The following BAHCC1 variants were observed in gnomAD, a reference collection of about 807,000 sequenced individuals.
BAHCC1 encodes BAH and coiled-coil domain-containing protein 1.
BAHCC1 carries 43 observed loss-of-function variants against 88.2 expected under a neutral mutation model. The ratio of observed to expected loss-of-function variants is 0.49; its 90% CI spans 0.38 to 0.63. The LOEUF is 0.63. Ranked by LOEUF, BAHCC1 falls within the 20% of genes least tolerant of loss-of-function variation. The pLI, the probability that BAHCC1 is intolerant of heterozygous loss-of-function variation, is 0.00. For missense variants in BAHCC1, 3,023 were observed against 1,654.8 expected (o/e 1.83, Z -14.34); for synonymous variants, 1,510 against 745.5 (o/e 2.03, Z -16.71).
At position 81,399,758 on chromosome 17, in the gene BAHCC1, G is replaced by C. The variant is rs1159283520; in HGVS notation, c.19G>C (p.Ala7Pro). Residue 7 changes from alanine to proline, a missense_variant, in exon 2 of 28, where the codon GCG becomes CCG. Ala to Pro is a conservative substitution (Grantham distance 27). Coordinates refer to ENST00000675386, the MANE Select transcript of BAHCC1 (RefSeq NM_001377448.1). This position sits in a 1 kb window ranked among gnomAD's most constrained non-coding sequence, Gnocchi z 4.5. ...GCCCGGCATGGATGGCCGCGACTTT[G>C]CGCCGCCGCCGCATCTGCTGTCGGA... MDGRDF[A>P]PPPHLLSERG... 19 of 1,189,154 alleles carry C rather than the reference G, an allele frequency of 1.6e-5. No homozygotes were observed. Among genetic ancestry groups the C allele is most frequent in the Non-Finnish European group, 2.0e-5 (19 of 961,174 alleles). The allele number at this position is 1,189,154 out of a possible 1,614,324, so 73.7% of individuals were successfully genotyped here. A position where few individuals can be genotyped will look rare whatever the true frequency, so the allele number is the denominator to read the frequency against.
At position 81,463,878 on chromosome 17, in the gene BAHCC1, G is replaced by A. The variant is rs536524596; in HGVS notation, c.*61G>A. 178 of 691,668 alleles carry A rather than the reference G, an allele frequency of 2.6e-4. 1 individual carries two copies. Among genetic ancestry groups the A allele is most frequent in the Admixed American group, 2.5e-3 (123 of 49,690 alleles). The allele number at this position is 691,668 out of a possible 1,614,324, so 42.8% of individuals were successfully genotyped here. ...GACCCTGTGTGCGGAGCCTGGCGTC[G>A]GCCAAGCCACCGGGCAGGAGGCAGC... On this transcript the variant is annotated 3_prime_UTR_variant, in exon 28 of 28. Transcript: ENST00000675386.
At position 81,438,433 on chromosome 17, in the gene BAHCC1, A is replaced by T; in HGVS notation, c.422A>T (p.Asp141Val). 1.3e-6 allele frequency: 1 copy of T among 778,140 alleles called. No homozygotes were observed. The allele number at this position is 778,140 out of a possible 1,614,324, so 48.2% of individuals were successfully genotyped here. Residue 141 changes from aspartate to valine, a missense_variant, in exon 4 of 28, where the codon GAT (aspartate) becomes GTT (valine). Asp to Val is a radical substitution (Grantham distance 152). Coordinates refer to ENST00000675386, the MANE Select transcript of BAHCC1 (RefSeq NM_001377448.1). ...ASTFLPVSHL[D>V]HHGNSNVLYG... ...ACCTTCCTACCCGTGAGCCACTTGG[A>T]TCACCATGGAAACAGCAACGTTCTC...
At chr17:81,462,472 G>T in intron 26 of BAHCC1, 1 of 535,328 alleles carries the variant, frequency 1.9e-6, no homozygotes, top group Non-Finnish European at 3.3e-6. Flanking sequence ...TGTGGTGAAC[G>T]TCTTGTCCAC....
chr17:81,397,477 C>G (rs1174696823), intron 1 of BAHCC1, among the ~76,000 whole-genome samples: 2 of 152,070 alleles, frequency 1.3e-5, no homozygotes, highest in South Asian at 4.1e-4. Flanking sequence ...CTGGCACCCC[C>G]GCGTGCGCAG....
At chr17:81,456,701 G>A (rs2064756289) in intron 16 of BAHCC1, 116 bp downstream of exon 16, 4 of 605,628 alleles carry the variant, frequency 6.6e-6, no homozygotes, top group East Asian at 5.6e-5. Context: ...GGCTTGTGGG[G>A]TGTGACAGGT....
In BAHCC1 at chr17:81,443,813, C is replaced by T. The variant is rs369673614; in HGVS notation, c.2220C>T (p.Gly740=). The T allele has an allele frequency of 2.5e-5, 18 of 710,850 alleles. No homozygotes were observed. The highest frequency in any genetic ancestry group is 8.0e-5 in the East Asian group (3 of 37,298). 44.0% of individuals were successfully genotyped at this position (710,850 alleles called of 1,614,324 possible). A position where few individuals can be genotyped will look rare whatever the true frequency, so the allele number is the denominator to read the frequency against. ...QGRAAPAFKG[G]GGPRSTHALD... ...TGCTGTCTCGACCCTGTGCAGGTGG[C>T]GGTGGGCCCCGTTCCACACACGCGC... The change falls in exon 6 of 28, where the codon GGC becomes GGT. Residue 740 remains glycine (G), a synonymous_variant. Transcript: ENST00000675386.
rs540346533 is a variant in BAHCC1 at position 81,461,815 on chromosome 17, C to T, written c.7152C>T (p.His2384=). The T allele has an allele frequency of 6.3e-4, 451 of 717,198 alleles. 6 individuals carry two copies. The highest frequency in any genetic ancestry group is 6.2e-3 in the South Asian group (422 of 67,612). 44.4% of individuals were successfully genotyped at this position (717,198 alleles called of 1,614,324 possible). Reference sequence around the variant, plus strand: ...TGCGCTCCAAGGGCAGCGGCCCTCACGCGCATGCCCAGCGCTGCTTCCTGT... The same window carrying T: ...TGCGCTCCAAGGGCAGCGGCCCTCATGCGCATGCCCAGCGCTGCTTCCTGT... ...EALRSKGSGP[H]AHAQRCFLSR... Residue 2384 remains histidine, a synonymous_variant, in exon 26 of 28, where the codon CAC becomes CAT. Transcript: ENST00000675386.
Position 81,442,158 on chromosome 17 carries a change from G to A in BAHCC1, c.809G>A (p.Arg270Gln), listed in dbSNP as rs782530704. The A allele has an allele frequency of 1.5e-5, 10 of 655,012 alleles. No homozygotes were observed. The highest frequency in any genetic ancestry group is 3.4e-5 in the South Asian group (2 of 58,152). 40.6% of individuals were successfully genotyped at this position (655,012 alleles called of 1,614,324 possible). A position where few individuals can be genotyped will look rare whatever the true frequency, so the allele number is the denominator to read the frequency against. The change falls in exon 5 of 28, where the codon CGA becomes CAA. Residue 270 changes from arginine to glutamine, a missense_variant. Arg to Gln is a conservative substitution (Grantham distance 43). Transcript: ENST00000675386. Reference sequence around the variant, plus strand: ...TGCAGGGAGGGCGGCCCCGCACCCCGAGGGGCCTGCGAGGGCCGCCCCAAG... The same window carrying A: ...TGCAGGGAGGGCGGCCCCGCACCCCAAGGGGCCTGCGAGGGCCGCCCCAAG... ...GHCREGGPAP[R>Q]GACEGRPKHL...
At chr17:81,428,170 C>G (rs1258043036) in intron 3 of BAHCC1, among the ~76,000 whole-genome samples, 11 of 152,334 alleles carry the variant, frequency 7.2e-5, no homozygotes, top group African/African-American at 2.4e-4. Context: ...CCTCCCACCC[C>G]TGCACTACTA....
chr17:81,444,802 C>G lies in BAHCC1; in HGVS notation c.2647C>G (p.Pro883Ala). 1.3e-6 allele frequency: 1 copy of G among 777,474 alleles called. No homozygotes were observed. 48.2% of individuals were successfully genotyped at this position (777,474 alleles called of 1,614,324 possible). A position where few individuals can be genotyped will look rare whatever the true frequency, so the allele number is the denominator to read the frequency against. The change falls in exon 8 of 28, where the codon CCC becomes GCC. Residue 883 changes from proline to alanine, a missense_variant. Transcript: ENST00000675386. Reference protein sequence around the residue: ...QLVILPSEPTPHSAPHALADV... With the variant: ...QLVILPSEPTAHSAPHALADV... Reference sequence around the variant, plus strand: ...GGTCATCCTGCCCTCAGAGCCCACACCCCACAGCGCCCCCCACGCACTTGG... The same window carrying G: ...GGTCATCCTGCCCTCAGAGCCCACAGCCCACAGCGCCCCCCACGCACTTGG...
rs782669813 is a variant in BAHCC1, at chr17:81,447,785, G to A, written c.3913G>A (p.Ala1305Thr). ...LPHSSGIHGI[A>T]LLSELADLAI... is the part of the protein sequence containing the mutation. ...TCATAGCTCAGGGATTCATGGGATC[G>A]CTCTGCTCAGCGAGCTGGCTGACCT... is the stretch of plus-strand genomic sequence containing the variant. Residue 1305 changes from alanine (A) to threonine (T), a missense_variant, in exon 11 of 28, where the codon GCT (alanine) becomes ACT (threonine). Physicochemically the swap from Ala to Thr is moderately conservative, Grantham distance 58. Transcript: ENST00000675386. 1.1e-5 allele frequency: 8 copies of A among 751,302 alleles called. No individual in the cohort carries two copies. Among genetic ancestry groups the A allele is most frequent in the South Asian group, 4.3e-5 (3 of 70,484 alleles). 46.5% of individuals were successfully genotyped at this position (751,302 alleles called of 1,614,324 possible).
Position 81,444,780 on chromosome 17 carries a change from C to T in BAHCC1, c.2625C>T (p.Val875=), listed in dbSNP as rs374057849. 2.6e-6 allele frequency: 2 copies of T among 778,710 alleles called. No individual in the cohort carries two copies. Among genetic ancestry groups the T allele is most frequent in the South Asian group, 1.3e-5 (1 of 74,570 alleles). The allele number at this position is 778,710 out of a possible 1,614,324, so 48.2% of individuals were successfully genotyped here. ...PLPQDAPTQL[V]ILPSEPTPHS... is the part of the protein sequence containing the mutation. ...CACAGGACGCCCCCACACAGCTGGT[C>T]ATCCTGCCCTCAGAGCCCACACCCC... is the stretch of plus-strand genomic sequence containing the variant. Residue 875 remains valine, a synonymous_variant, in exon 8 of 28, where the codon GTC becomes GTT. Transcript: ENST00000675386.
chr17:81,411,319 A>G lies in BAHCC1; in HGVS notation c.178+11402A>G, dbSNP rs1297523093. The stretch of plus-strand genomic sequence containing the variant: ...GGCAGCAGGAGCTGGACGTGCCGTC[A>G]GCCCAGGCCCCTGAGAGTGAGGCTG... On this transcript the variant is annotated intron_variant, in intron 2 of 27. Coordinates refer to ENST00000675386, the MANE Select transcript of BAHCC1 (RefSeq NM_001377448.1). The surrounding 1 kb of genome is among the most constrained non-coding windows in gnomAD (Gnocchi z 6.2). Among the ~76,000 whole-genome samples, 3 of 150,632 alleles carry G rather than the reference A, an allele frequency of 2.0e-5. No homozygotes were observed. The highest frequency in any genetic ancestry group is 7.3e-5 in the African/African-American group (3 of 41,062).
Position 81,458,479 on chromosome 17 carries a change from T to C in BAHCC1, c.5343+13T>C. On this transcript the variant is annotated intron_variant, in intron 18 of 27. Coordinates refer to ENST00000675386, the MANE Select transcript of BAHCC1 (RefSeq NM_001377448.1). ...GCCAGTGCTGCGGGTGAGGCTGGGC[T>C]CTGGGGTGCTGGGCGGAGAGGGTGG... The C allele has an allele frequency of 1.4e-6, 1 of 695,482 alleles. No individual in the cohort carries two copies. Among genetic ancestry groups the C allele is most frequent in the South Asian group, 1.6e-5 (1 of 64,174 alleles). The allele number at this position is 695,482 out of a possible 1,614,324, so 43.1% of individuals were successfully genotyped here.
chr17:81,453,639 G>A (rs542768397), intron 14 of BAHCC1, among the ~76,000 whole-genome samples: 1 of 151,934 alleles, frequency 6.6e-6, no homozygotes, highest in African/African-American at 2.4e-5. Flanking sequence ...TCCTGGGGGG[G>A]GGTCTCCTGG....
At chr17:81,425,556 T>C (rs2064177169) in intron 2 of BAHCC1, among the ~76,000 whole-genome samples, 1 of 11,354 alleles carries the variant, frequency 8.8e-5, no homozygotes, top group East Asian at 2.2e-3. Flanking sequence ...TGGTGGGTGA[T>C]GTGGTTGGTG....
chr17:81,426,027 G>C (rs1817873469), intron 2 of BAHCC1, among the ~76,000 whole-genome samples: 1 of 138,858 alleles, frequency 7.2e-6, no homozygotes, highest in Non-Finnish European at 1.5e-5. Context: ...TGGGTGATGT[G>C]GTTGGTGGTG....
intron 15 of BAHCC1, among the ~76,000 whole-genome samples, 166 bp downstream of exon 15, chr17:81,455,556 C>T (rs2064733371): frequency 6.6e-6 from 1 of 152,236 alleles, no homozygotes; most frequent in South Asian, 2.1e-4. Context: ...GGAGGGTGAC[C>T]CTGCGGTGTA....
Position 81,422,776 on chromosome 17 carries a change from A to G in BAHCC1, c.179-4024A>G. On this transcript the variant is annotated intron_variant, in intron 2 of 27. Transcript: ENST00000675386. Reference sequence around the variant, plus strand: ...TCCCTTCTCCAGACCCAACTTTTGGACTTAGTTGCTTCCCACCATCCCGAG... The same window carrying G: ...TCCCTTCTCCAGACCCAACTTTTGGGCTTAGTTGCTTCCCACCATCCCGAG... The G allele has an allele frequency of 4.5e-6, 2 of 441,746 alleles. 1 individual carries two copies. Among genetic ancestry groups the G allele is most frequent in the South Asian group, 3.2e-5 (2 of 63,410 alleles). The allele number at this position is 441,746 out of a possible 1,614,324, so 27.4% of individuals were successfully genotyped here. A position where few individuals can be genotyped will look rare whatever the true frequency, so the allele number is the denominator to read the frequency against.
Sources: gnomAD v4.1 joint callset for allele counts (sites outside exome capture counted in the v4.1 genomes callset) on GRCh38, gnomAD v4.1.1 for gene constraint, Gnocchi (gnomAD v3.1) non-coding constraint, MANE v1.5 for transcripts, NCBI Gene and HGNC (gene_info 2026-07-23, HGNC 2026-07-21) for gene names.